The following ARHGEF9 variants were observed in gnomAD, a reference collection of about 807,000 sequenced individuals.
ARHGEF9 encodes the protein Cdc42 guanine nucleotide exchange factor 9.
ARHGEF9 carries 2 observed loss-of-function variants against 41.3 expected under a neutral mutation model. The ratio of observed to expected loss-of-function variants is 0.05; its 90% CI spans 0.02 to 0.15. ARHGEF9 has a LOEUF of 0.15. ARHGEF9 is among the 10% of genes least tolerant of loss of function. The pLI, the probability that ARHGEF9 is intolerant of heterozygous loss-of-function variation, is 1.00. For synonymous variants in ARHGEF9, 160 were observed against 154.4 expected (o/e 1.04, Z -0.27); for missense variants, 225 against 424.7 (o/e 0.53, Z 4.13).
At chrX:63,667,762 T>C (rs1272695409) in intron 6 of ARHGEF9, among the ~76,000 whole-genome samples, 1 of 110,938 alleles carries the variant, frequency 9.0e-6, no homozygotes, top group Non-Finnish European at 1.9e-5. Flanking sequence ...GCTCCCGACT[T>C]AGCCTCAATA....
intron 1 of ARHGEF9, among the ~76,000 whole-genome samples, chrX:63,753,547 T>G (rs1175250793): frequency 9.2e-6 from 1 of 108,958 alleles, no homozygotes; most frequent in Admixed American, 9.8e-5. Flanking sequence ...TGTGGGGTTT[T>G]TTTTTTTTTT....
At chrX:63,703,253 C>T (rs2052306908) in intron 3 of ARHGEF9, 1 of 112,100 alleles carries the variant, frequency 8.9e-6, no homozygotes, top group Non-Finnish European at 1.9e-5. Context: ...ATTGGAAACT[C>T]CTTAAAGCAG....
At chrX:63,757,895 TGGC>T (rs2055963457) in intron 1 of ARHGEF9, among the ~76,000 whole-genome samples, 1 of 112,454 alleles carries the variant, frequency 8.9e-6, no homozygotes, top group South Asian at 3.7e-4. Context: ...AACAATAAAC[TGGC>T]ATTTCCAAGA....
intron 1 of ARHGEF9, among the ~76,000 whole-genome samples, chrX:63,783,388 C>A (rs1202762027): frequency 9.1e-6 from 1 of 109,379 alleles, no homozygotes; most frequent in Non-Finnish European, 1.9e-5. Context: ...GATTCTCCTG[C>A]CTCAGCCTCA....
intron 1 of ARHGEF9, among the ~76,000 whole-genome samples, chrX:63,730,581 T>C (rs1416933654): frequency 2.7e-5 from 3 of 112,016 alleles, no homozygotes; most frequent in African/African-American, 9.8e-5. Flanking sequence ...AGGTCTGAAG[T>C]GCAGCTTGAG....
chrX:63,688,635 T>C (rs2051135201), intron 4 of ARHGEF9, among the ~76,000 whole-genome samples: 1 of 111,873 alleles, frequency 8.9e-6, no homozygotes, highest in Admixed American at 9.5e-5. Context: ...CTGAGTGTGA[T>C]GGCACGTGCC....
intron 4 of ARHGEF9, among the ~76,000 whole-genome samples, chrX:63,695,234 C>T (rs1556386460): frequency 1.8e-5 from 2 of 111,703 alleles, no homozygotes; most frequent in Admixed American, 9.5e-5. Flanking sequence ...GGGCAGCCCC[C>T]GGTTGAGAAC....
intron 2 of ARHGEF9, among the ~76,000 whole-genome samples, chrX:63,722,263 G>A (rs1284267986): frequency 9.0e-6 from 1 of 111,695 alleles, no homozygotes; most frequent in African/African-American, 3.3e-5. Flanking sequence ...CCATCCTAGG[G>A]TTCAAATGTC....
chrX:63,775,459 A>C (rs782127208), intron 1 of ARHGEF9, among the ~76,000 whole-genome samples: 1 of 112,661 alleles, frequency 8.9e-6, no homozygotes, highest in African/African-American at 3.2e-5. Flanking sequence ...GATAAAGAAA[A>C]TATGGTACAT....
intron 3 of ARHGEF9, among the ~76,000 whole-genome samples, chrX:63,698,727 C>T (rs782252381): frequency 9.0e-6 from 1 of 111,382 alleles, no homozygotes; most frequent in South Asian, 3.8e-4. Context: ...TTCCCCTTCC[C>T]ATATCTGTTC....
At chrX:63,661,447 G>GA (rs1397976989) in intron 7 of ARHGEF9, among the ~76,000 whole-genome samples, 16 of 111,253 alleles carry the variant, frequency 1.4e-4, no homozygotes, top group African/African-American at 4.3e-4. Context: ...TAGTCAAAGA[G>GA]AAAAAAATCC....
At chrX:63,702,782 G>A (rs2052272064) in intron 3 of ARHGEF9, among the ~76,000 whole-genome samples, 1 of 112,029 alleles carries the variant, frequency 8.9e-6, no homozygotes, top group Admixed American at 9.5e-5. Context: ...TGCAGAAGTA[G>A]CCTGGCTCGC....
chrX:63,693,358 T>C (rs192396230), intron 4 of ARHGEF9, among the ~76,000 whole-genome samples: 2 of 111,119 alleles, frequency 1.8e-5, no homozygotes, highest in Non-Finnish European at 3.8e-5. Context: ...CCACATGTAG[T>C]CCCAGCAATT....
At chrX:63,772,402 C>G (rs1239353295) in intron 1 of ARHGEF9, among the ~76,000 whole-genome samples, 3 of 111,967 alleles carry the variant, frequency 2.7e-5, no homozygotes, top group African/African-American at 9.7e-5. Flanking sequence ...TATCACAAAG[C>G]AGACCCTATC....
intron 5 of ARHGEF9, among the ~76,000 whole-genome samples, chrX:63,675,614 C>T (rs782581440): frequency 8.9e-6 from 1 of 112,213 alleles, no homozygotes; most frequent in East Asian, 2.8e-4. Context: ...TGGCATATAA[C>T]AAATGTTAGC....
In ARHGEF9 at chrX:63,666,015, G is replaced by T. The variant is rs141158169; in HGVS notation, c.948C>A (p.Gly316=). The part of the protein sequence containing the change: ...QWQASVLDWE[G]EDILDRSSEL... Reference sequence around the variant, plus strand: ...CCGAGCTCCTGTCTAGGATGTCCTCGCCCTGGGAAGGACATGTGATGATGA... The same window carrying T: ...CCGAGCTCCTGTCTAGGATGTCCTCTCCCTGGGAAGGACATGTGATGATGA... The change falls in exon 7 of 10, where the codon GGC becomes GGA. Residue 316 remains glycine, a splice_region_variant and synonymous_variant. Coordinates refer to ENST00000671741, the MANE Select transcript of ARHGEF9 (RefSeq NM_001353921.2). 8.3e-7 allele frequency: 1 copy of T among 1,208,607 alleles called. No individual in the cohort carries two copies.
chrX:63,683,599 A>G (rs2050793990), intron 4 of ARHGEF9, among the ~76,000 whole-genome samples: 1 of 111,977 alleles, frequency 8.9e-6, no homozygotes, highest in Non-Finnish European at 1.9e-5. Context: ...ATTTCAAACA[A>G]TATTAGAAAA....
chrX:63,734,366 A>G (rs1229990292), intron 1 of ARHGEF9, among the ~76,000 whole-genome samples: 1 of 112,203 alleles, frequency 8.9e-6, no homozygotes, highest in Non-Finnish European at 1.9e-5. Context: ...TGGAAACAGG[A>G]GTAATTGTCA....
At chrX:63,782,731 G>A (rs782646130) in intron 1 of ARHGEF9, among the ~76,000 whole-genome samples, 11 of 112,338 alleles carry the variant, frequency 9.8e-5, no homozygotes, top group Non-Finnish European at 1.7e-4. Context: ...TAAAATGGTG[G>A]CTAGATACAC....
Sources: gnomAD v4.1 joint callset for allele counts (sites outside exome capture counted in the v4.1 genomes callset) on GRCh38, gnomAD v4.1.1 for gene constraint, MANE v1.5 for transcripts, NCBI Gene and HGNC (gene_info 2026-07-23, HGNC 2026-07-21) for gene names.